The following CAMTA1 variants were observed in gnomAD, a reference collection of about 807,000 sequenced individuals.
The protein encoded by CAMTA1 is calmodulin binding transcription activator 1, also known as calmodulin-binding transcription activator 1.
In CAMTA1, 27 loss-of-function variants were observed where a neutral mutation model predicts 170.9. That is an observed-to-expected ratio of 0.16 (90% CI 0.12 to 0.22). The LOEUF (loss-of-function observed/expected upper bound fraction) is 0.22. Among genes scored for constraint, CAMTA1 ranks in the 10% least tolerant of loss-of-function variants. The pLI is 1.00. For synonymous variants in CAMTA1, 833 were observed against 891.5 expected (o/e 0.93, Z 1.17); for missense variants, 1,619 against 2,217.2 (o/e 0.73, Z 5.42).
rs1352002053 is a variant in CAMTA1, at chr1:7,561,701, C to G, written c.511-78699C>G. 2.6e-5 allele frequency among the ~76,000 whole-genome samples: 4 copies of G among 151,856 alleles called. No homozygotes were observed. The East Asian group carries it at 7.8e-4, about 30-fold the overall frequency. ...CCCGTCAGAGGCCACCCCTCCCCAG[C>G]CCCCTAGGCCACTGTGTTAGATTCT... On this transcript the variant is annotated intron_variant, in intron 6 of 22. Coordinates refer to ENST00000303635, the MANE Select transcript of CAMTA1 (RefSeq NM_015215.4). This position sits in a 1 kb window ranked among gnomAD's most constrained non-coding sequence, Gnocchi z 5.3.
chr1:7,484,733 G>T (rs2093593616), intron 6 of CAMTA1, among the ~76,000 whole-genome samples: 1 of 152,038 alleles, frequency 6.6e-6, no homozygotes, highest in African/African-American at 2.4e-5. Context: ...AGCTTGCAGT[G>T]AGCTGAGATC....
chr1:6,870,615 A>G (rs1668142814), intron 3 of CAMTA1, among the ~76,000 whole-genome samples: 1 of 152,214 alleles, frequency 6.6e-6, no homozygotes, highest in South Asian at 2.1e-4. Context: ...CAAATGTTAA[A>G]TTTATTGTGG....
At chr1:7,292,826 C>G (rs1332340294) in intron 5 of CAMTA1, among the ~76,000 whole-genome samples, 1 of 152,160 alleles carries the variant, frequency 6.6e-6, no homozygotes, top group Non-Finnish European at 1.5e-5. Context: ...GGGCTCAGTT[C>G]CCTTTGAGAA....
At chr1:7,522,268 G>A (rs2094375618) in intron 6 of CAMTA1, among the ~76,000 whole-genome samples, 1 of 152,250 alleles carries the variant, frequency 6.6e-6, no homozygotes, top group Non-Finnish European at 1.5e-5. Flanking sequence ...CATCTTTCAG[G>A]TGCTTACATG....
At chr1:7,284,898 C>A (rs529640350) in intron 5 of CAMTA1, among the ~76,000 whole-genome samples, 11 of 152,306 alleles carry the variant, frequency 7.2e-5, no homozygotes, top group African/African-American at 2.6e-4. Context: ...CTAGAGAATC[C>A]ACAGAACTCG....
chr1:7,672,757 A>C (rs1171822247), intron 10 of CAMTA1, among the ~76,000 whole-genome samples: 1 of 151,276 alleles, frequency 6.6e-6, no homozygotes, highest in African/African-American at 2.4e-5. Flanking sequence ...AGAGCAGAAA[A>C]CCCCTGCTCC....
chr1:7,162,860 GGC>G (rs1236070016), intron 4 of CAMTA1, among the ~76,000 whole-genome samples: 1 of 152,154 alleles, frequency 6.6e-6, no homozygotes, highest in Admixed American at 6.5e-5. Flanking sequence ...GTGACTCCGT[GGC>G]TGATCTTTTG....
intron 22 of CAMTA1, among the ~76,000 whole-genome samples, chr1:7,763,768 T>A (rs376447538): frequency 4.5e-4 from 69 of 152,354 alleles, no homozygotes; most frequent in African/African-American, 1.4e-3. Flanking sequence ...AAAGCATTCC[T>A]GTTCATTCGA....
At chr1:7,699,675 C>G (rs12126833) in intron 11 of CAMTA1, among the ~76,000 whole-genome samples, 1 of 152,098 alleles carries the variant, frequency 6.6e-6, no homozygotes, top group Non-Finnish European at 1.5e-5. Flanking sequence ...TCCTTGCCAA[C>G]GCTTGTTATT....
At position 7,381,136 on chromosome 1, in the gene CAMTA1, C is replaced by CT. The variant is rs149678254; in HGVS notation, c.439-86686dup. 1.5e-3 allele frequency among the ~76,000 whole-genome samples: 226 copies of CT among 151,962 alleles called. 1 individual carries two copies. The highest frequency in any genetic ancestry group is 2.5e-3 in the Non-Finnish European group (169 of 67,936). The stretch of plus-strand genomic sequence containing the variant: ...ACTTAAATAAGACGGTTTGATTTTT[C>CT]TTTTTTTTATTTTTTATTTATTTAT... On this transcript the variant is annotated intron_variant, in intron 5 of 22. Transcript: ENST00000303635.
chr1:6,791,624 A>G (rs138156822), intron 1 of CAMTA1, among the ~76,000 whole-genome samples: 16 of 152,266 alleles, frequency 1.1e-4, no homozygotes, highest in African/African-American at 3.6e-4. Context: ...TTTGCCTGTT[A>G]TATATAGTAC....
rs1253435793 is a variant in CAMTA1, at chr1:7,249,264, C to G, written c.303-227C>G. 1.3e-5 allele frequency among the ~76,000 whole-genome samples: 2 copies of G among 152,130 alleles called. No homozygotes were observed. The highest frequency in any genetic ancestry group is 2.9e-5 in the Non-Finnish European group (2 of 68,018). ...TATTACTGAGGGGATGTTTTTTAAG[C>G]CTATCATTGACACATTTAATTCATT... is the stretch of plus-strand genomic sequence containing the variant. On this transcript the variant is annotated intron_variant, in intron 4 of 22. Coordinates refer to ENST00000303635, the MANE Select transcript of CAMTA1 (RefSeq NM_015215.4). The surrounding 1 kb of genome is among the most constrained non-coding windows in gnomAD (Gnocchi z 4.4).
intron 5 of CAMTA1, among the ~76,000 whole-genome samples, chr1:7,465,749 AAC>A (rs914674650): frequency 6.6e-6 from 1 of 152,184 alleles, no homozygotes; most frequent in African/African-American, 2.4e-5. Flanking sequence ...TCACAGAGGA[AAC>A]ACAGTTGGTG....
At chr1:7,055,701 G>T (rs138684582) in intron 3 of CAMTA1, among the ~76,000 whole-genome samples, 1 of 152,172 alleles carries the variant, frequency 6.6e-6, no homozygotes, top group Non-Finnish European at 1.5e-5. Flanking sequence ...AGGAGGCTGC[G>T]GCAGCATCAC....
intron 11 of CAMTA1, among the ~76,000 whole-genome samples, chr1:7,702,557 A>C (rs1050349075): frequency 6.6e-6 from 1 of 152,090 alleles, no homozygotes; most frequent in African/African-American, 2.4e-5. Context: ...GCAATTCAAC[A>C]ACCATCAGCT....
intron 3 of CAMTA1, among the ~76,000 whole-genome samples, chr1:7,057,465 G>T (rs1707530791): frequency 6.6e-6 from 1 of 152,208 alleles, no homozygotes; most frequent in Admixed American, 6.5e-5. Context: ...CGGCGGGGTG[G>T]CCCTTGCTGC....
At chr1:7,544,981 C>T (rs1003341665) in intron 6 of CAMTA1, among the ~76,000 whole-genome samples, 15 of 152,192 alleles carry the variant, frequency 9.9e-5, no homozygotes, top group African/African-American at 3.4e-4. Context: ...TGGCCCCACC[C>T]CCAACACTGC....
At chr1:7,750,949 G>T (rs1204001492) in intron 19 of CAMTA1, 2 of 637,536 alleles carry the variant, frequency 3.1e-6, no homozygotes, top group Non-Finnish European at 5.7e-6. Flanking sequence ...CTCCAAGAAG[G>T]GCAAGATATT....
At chr1:6,976,705 C>T (rs1265271555) in intron 3 of CAMTA1, among the ~76,000 whole-genome samples, 1 of 152,146 alleles carries the variant, frequency 6.6e-6, no homozygotes, top group Admixed American at 6.5e-5. Flanking sequence ...CGAGCATCAG[C>T]AGAGGAGGGA....
Sources: allele counts gnomAD v4.1 joint callset (sites outside exome capture counted in the v4.1 genomes callset), GRCh38; gene constraint gnomAD v4.1.1; non-coding constraint Gnocchi (gnomAD v3.1); transcripts MANE v1.5; gene names NCBI Gene and HGNC (gene_info 2026-07-23, HGNC 2026-07-21).